The following RSPRY1 variants were observed in gnomAD, a reference collection of about 807,000 sequenced individuals.
The protein encoded by RSPRY1 is RING finger and SPRY domain-containing protein 1.
In RSPRY1, 23 loss-of-function variants were observed where a neutral mutation model predicts 73.1. The ratio of observed to expected loss-of-function variants is 0.31; its 90% CI spans 0.23 to 0.45. RSPRY1 has a LOEUF of 0.45. Ranked by LOEUF, RSPRY1 falls within the 20% of genes least tolerant of loss-of-function variation. RSPRY1 has a pLI of 1.00. For missense variants in RSPRY1, 448 were observed against 698.7 expected (o/e 0.64, Z 4.05); for synonymous variants, 226 against 251.4 (o/e 0.90, Z 0.95).
intron 1 of RSPRY1, among the ~76,000 whole-genome samples, chr16:57,194,587 A>G (rs2074406705): frequency 6.6e-6 from 1 of 152,200 alleles, no homozygotes; most frequent in South Asian, 2.1e-4. Context: ...TTGGAAAAAA[A>G]GTCACATCCT....
chr16:57,214,771 A>G (rs553792644), intron 6 of RSPRY1, among the ~76,000 whole-genome samples: 2 of 152,336 alleles, frequency 1.3e-5, no homozygotes, highest in East Asian at 3.9e-4. Flanking sequence ...GCTCATGCCT[A>G]TAAGCCCGGC....
intron 13 of RSPRY1, among the ~76,000 whole-genome samples, chr16:57,233,852 G>A (rs1395778131): frequency 2.0e-5 from 3 of 152,016 alleles, no homozygotes; most frequent in Admixed American, 2.0e-4. Context: ...CATGGTCCAA[G>A]CCTCCACCAT....
At chr16:57,237,697 ATTTATTTATT>A (rs779394944) in intron 14 of RSPRY1, among the ~76,000 whole-genome samples, 6 of 151,036 alleles carry the variant, frequency 4.0e-5, no homozygotes, top group Non-Finnish European at 5.9e-5. Context: ...ATTTTTATTT[ATTTATTTATT>A]TTTATTTATT....
chr16:57,218,428 A>G (rs528228474), intron 8 of RSPRY1, among the ~76,000 whole-genome samples: 1 of 152,234 alleles, frequency 6.6e-6, no homozygotes, highest in African/African-American at 2.4e-5. Flanking sequence ...GTCAAATACT[A>G]GGTGTTCTTC....
chr16:57,203,060 C>CT (rs1459879685), intron 1 of RSPRY1, among the ~76,000 whole-genome samples: 1 of 151,926 alleles, frequency 6.6e-6, no homozygotes, highest in Non-Finnish European at 1.5e-5. Flanking sequence ...AATCCCAGCA[C>CT]TTTGGGAGGC....
upstream of RSPRY1, chr16:57,186,302 G>C: frequency 2.7e-6 from 1 of 369,454 alleles, no homozygotes; most frequent in South Asian, 1.1e-4. Context: ...CTGAGGGAGG[G>C]CTGGGGCGGT....
chr16:57,221,134 G>A (rs2075027904), intron 9 of RSPRY1, 138 bp from the exon 10 acceptor site: 3 of 1,072,176 alleles, frequency 2.8e-6, no homozygotes, highest in Non-Finnish European at 4.1e-6. Flanking sequence ...TTTTGTCACT[G>A]AGGATGGACA....
Position 57,204,534 on chromosome 16 carries a change from A to C in RSPRY1, c.-125A>C. The C allele has an allele frequency of 1.3e-6, 1 of 785,042 alleles. No individual in the cohort carries two copies. Among genetic ancestry groups the C allele is most frequent in the Non-Finnish European group, 2.1e-6 (1 of 478,000 alleles). 48.6% of individuals were successfully genotyped at this position (785,042 alleles called of 1,614,324 possible). ...CCATTGGATGTCCAGAATCCCCTGT[A>C]GTTGATAATGTTGGGAATAAGCTCT... is the stretch of plus-strand genomic sequence containing the variant. On this transcript the variant is annotated 5_prime_UTR_variant, in exon 2 of 15. An upstream open reading frame in the 5' UTR loses its in-frame stop. Transcript: ENST00000394420.
chr16:57,221,334 A>G lies in RSPRY1; in HGVS notation c.1080A>G (p.Val360=), dbSNP rs1457771572. The change falls in exon 10 of 15, where the codon GTA becomes GTG. Residue 360 remains valine, a synonymous_variant. Coordinates refer to ENST00000394420, the MANE Select transcript of RSPRY1 (RefSeq NM_133368.3). Reference sequence around the variant, plus strand: ...GCACCTTTTGTGTGGATGCCGGGGTATGGTACTATGAAGTAACAGTGGTCA... The same window carrying G: ...GCACCTTTTGTGTGGATGCCGGGGTGTGGTACTATGAAGTAACAGTGGTCA... ...VRCTFCVDAG[V]WYYEVTVVTS... 3 of 1,613,890 alleles carry G rather than the reference A, an allele frequency of 1.9e-6. No individual in the cohort carries two copies. Among genetic ancestry groups the G allele is most frequent in the Middle Eastern group, 1.6e-4 (1 of 6,078 alleles).
Position 57,229,556 on chromosome 16 carries a change from C to A in RSPRY1, c.1274-1155C>A, listed in dbSNP as rs1313811889. ...ATCACTTGAGCCCAGGAGTTTGAGG[C>A]TGCAGTGAGCTAGGATTGTACCACT... is the stretch of plus-strand genomic sequence containing the variant. On this transcript the variant is annotated intron_variant, in intron 11 of 14. Coordinates refer to ENST00000394420, the MANE Select transcript of RSPRY1 (RefSeq NM_133368.3). Among the ~76,000 whole-genome samples, 3 of 152,046 alleles carry A rather than the reference C, an allele frequency of 2.0e-5. No homozygotes were observed. The East Asian group carries it at 5.8e-4, about 29-fold the overall frequency.
chr16:57,236,644 G>A (rs1228505607), intron 14 of RSPRY1, among the ~76,000 whole-genome samples: 1 of 152,132 alleles, frequency 6.6e-6, no homozygotes, highest in Non-Finnish European at 1.5e-5. Flanking sequence ...ACAACTTTCA[G>A]GGAATAGGTA....
intron 11 of RSPRY1, among the ~76,000 whole-genome samples, chr16:57,229,679 G>GAAGAT (rs1403414469): frequency 7.5e-6 from 1 of 132,510 alleles, no homozygotes; most frequent in East Asian, 2.4e-4. Context: ...TCTGATAAGT[G>GAAGAT]AAGATAAATG....
chr16:57,228,820 G>C (rs1188985131), intron 11 of RSPRY1, among the ~76,000 whole-genome samples: 1 of 152,114 alleles, frequency 6.6e-6, no homozygotes, highest in African/African-American at 2.4e-5. Flanking sequence ...AGCCTCTCCA[G>C]TAGCTGGGAC....
At chr16:57,200,954 G>A (rs1320280029) in intron 1 of RSPRY1, among the ~76,000 whole-genome samples, 23 of 136,972 alleles carry the variant, frequency 1.7e-4, no homozygotes, top group Non-Finnish European at 3.3e-4. Flanking sequence ...GGCCGGGGGG[G>A]GGGGGGGCTG....
chr16:57,189,722 A>G (rs1368949264), intron 1 of RSPRY1, among the ~76,000 whole-genome samples: 1 of 151,000 alleles, frequency 6.6e-6, no homozygotes, highest in East Asian at 2.0e-4. Flanking sequence ...CTCCCAAGTA[A>G]CTGGGACTAC....
chr16:57,240,338 T>C lies in RSPRY1; in HGVS notation c.*1363T>C, dbSNP rs552800586. Reference sequence around the variant, plus strand: ...TTCCGTGTCTTTAGTCTTCCATAAATCCACACACACACACACACACAAAAA... The same window carrying C: ...TTCCGTGTCTTTAGTCTTCCATAAACCCACACACACACACACACACAAAAA... On this transcript the variant is annotated 3_prime_UTR_variant, in exon 15 of 15. Transcript: ENST00000394420. The C allele has an allele frequency of 1.3e-5, 2 of 148,844 alleles. No individual in the cohort carries two copies. Among genetic ancestry groups the C allele is most frequent in the Non-Finnish European group, 3.0e-5 (2 of 67,482 alleles). 9.2% of individuals were successfully genotyped at this position (148,844 alleles called of 1,614,324 possible).
At chr16:57,212,807 G>A (rs573707156) in intron 4 of RSPRY1, among the ~76,000 whole-genome samples, 165 bp from the exon 5 acceptor site, 4 of 152,072 alleles carry the variant, frequency 2.6e-5, no homozygotes, top group African/African-American at 7.2e-5. Flanking sequence ...TAGAGATGGG[G>A]TTTCACCATG....
In RSPRY1 at chr16:57,218,946, C is replaced by T. The variant is rs540996193; in HGVS notation, c.902-1786C>T. Among the ~76,000 whole-genome samples the T allele has an allele frequency of 1.3e-3, 159 of 123,798 alleles. 5 individuals carry two copies. Among genetic ancestry groups the T allele is most frequent in the Non-Finnish European group, 2.2e-3 (132 of 59,960 alleles). The allele number at this position is 123,798 out of a possible 152,430, so 81.2% of individuals were successfully genotyped here. ...AGAGACGGGGTTTCACCGTTTTAGC[C>T]GGGATGGTCTCGATCTCCTGACCTC... On this transcript the variant is annotated intron_variant, in intron 8 of 14. Coordinates refer to ENST00000394420, the MANE Select transcript of RSPRY1 (RefSeq NM_133368.3).
intron 6 of RSPRY1, among the ~76,000 whole-genome samples, chr16:57,215,048 T>A (rs1597898055): frequency 1.3e-5 from 2 of 148,698 alleles, no homozygotes. Flanking sequence ...AAAGACTAAA[T>A]GAGAAGGTGG....
Sources: allele counts gnomAD v4.1 joint callset (sites outside exome capture counted in the v4.1 genomes callset), GRCh38; gene constraint gnomAD v4.1.1; transcripts MANE v1.5; gene names NCBI Gene and HGNC (gene_info 2026-07-23, HGNC 2026-07-21).